Variants in KHDRBS2 observed in about 807,000 individuals in gnomAD.
KHDRBS2 encodes the protein KH RNA binding domain containing, signal transduction associated 2.
In KHDRBS2, 26 loss-of-function variants were observed where a neutral mutation model predicts 44.3. The ratio of observed to expected loss-of-function variants is 0.59; its 90% confidence interval spans 0.43 to 0.81. The LOEUF (loss-of-function observed/expected upper bound fraction) is 0.81, where lower values mean the gene tolerates loss of function less well. Ranked by LOEUF, KHDRBS2 falls within the 40% of genes least tolerant of loss-of-function variation. KHDRBS2 has a pLI of 0.00. For missense variants in KHDRBS2, 476 were observed against 433.1 expected, an observed-to-expected ratio of 1.10 and a Z score of -0.88; for synonymous variants, 194 against 151.1, an observed-to-expected ratio of 1.28 and a Z score of -2.08.
chr6:62,221,444 A>G (rs953669956), intron 1 of KHDRBS2, among the ~76,000 whole-genome samples: 2 of 152,052 alleles, frequency 1.3e-5, no homozygotes, highest in African/African-American at 2.4e-5. Context: ...AATTGAGTAG[A>G]TATTAGCTGC....
chr6:61,578,723 G>T, the KHDRBS2 span, among the ~76,000 whole-genome samples: 2 of 152,102 alleles, frequency 1.3e-5, no homozygotes, highest in Non-Finnish European at 2.9e-5. Flanking sequence ...GTAGTAAAGC[G>T]ATTATAGTCG....
chr6:61,946,050 G>T (rs964585752), intron 4 of KHDRBS2, among the ~76,000 whole-genome samples: 2 of 152,116 alleles, frequency 1.3e-5, no homozygotes, highest in African/African-American at 4.8e-5. Context: ...GATAATGCAG[G>T]CATCATCTCT....
chr6:62,059,599 C>T (rs904763285), intron 2 of KHDRBS2, among the ~76,000 whole-genome samples: 12 of 151,480 alleles, frequency 7.9e-5, no homozygotes, highest in Non-Finnish European at 1.3e-4. Context: ...AATAAAATTA[C>T]GGAATACAGG....
At chr6:62,064,035 T>C (rs1257620725) in intron 2 of KHDRBS2, among the ~76,000 whole-genome samples, 2 of 144,802 alleles carry the variant, frequency 1.4e-5, no homozygotes, top group African/African-American at 5.1e-5. Flanking sequence ...TCACAATTGC[T>C]TCAAAGAGAA....
chr6:61,751,466 T>C (rs747643407), intron 6 of KHDRBS2, among the ~76,000 whole-genome samples: 3 of 152,156 alleles, frequency 2.0e-5, no homozygotes, highest in Non-Finnish European at 4.4e-5. Flanking sequence ...CACTTTACAA[T>C]GTAAAACATA....
rs528871431 is a variant in KHDRBS2, at chr6:62,131,692, C to A, written c.219+45493G>T. Among the ~76,000 whole-genome samples, 7 of 152,162 alleles carry A rather than the reference C, an allele frequency of 4.6e-5. No homozygotes were observed. The South Asian group carries it at 1.5e-3, about 32-fold the overall frequency. ...TATTGGGGTCCTAATTGGCTGAACC[C>A]AACAGTAGGCCAGAGGTCATAGAAG... is the stretch of plus-strand genomic sequence containing the variant. On this transcript the variant is annotated intron_variant, in intron 2 of 8. Coordinates refer to ENST00000281156, the MANE Select transcript of KHDRBS2 (RefSeq NM_152688.4).
chr6:62,075,286 C>A (rs1796114668), intron 2 of KHDRBS2, among the ~76,000 whole-genome samples: 1 of 151,832 alleles, frequency 6.6e-6, no homozygotes. Flanking sequence ...TTCACCCCCT[C>A]CACCATGTGA....
the KHDRBS2 span, among the ~76,000 whole-genome samples, chr6:61,605,461 T>G: frequency 6.6e-6 from 1 of 152,206 alleles, no homozygotes; most frequent in Non-Finnish European, 1.5e-5. Flanking sequence ...GCTGAACCTC[T>G]TTGGGCACTC....
intron 6 of KHDRBS2, among the ~76,000 whole-genome samples, chr6:61,861,983 T>C (rs1440974391): frequency 6.6e-6 from 1 of 152,116 alleles, no homozygotes; most frequent in East Asian, 1.9e-4. Context: ...CACCTGTGAA[T>C]GGGAGTTCAT....
At chr6:61,941,373 T>G (rs891263328) in intron 4 of KHDRBS2, among the ~76,000 whole-genome samples, 37 of 152,120 alleles carry the variant, frequency 2.4e-4, no homozygotes, top group African/African-American at 8.2e-4. Context: ...GTCAGTTGGC[T>G]GGGGCCCCAA....
intron 1 of KHDRBS2, among the ~76,000 whole-genome samples, chr6:62,269,015 T>A (rs1164851804): frequency 1.3e-5 from 2 of 152,060 alleles, no homozygotes; most frequent in African/African-American, 4.8e-5. Flanking sequence ...CAGAGAAAAT[T>A]TTTTTCAGCA....
chr6:61,906,646 T>C (rs1312850602), intron 4 of KHDRBS2, among the ~76,000 whole-genome samples: 2 of 152,196 alleles, frequency 1.3e-5, no homozygotes, highest in African/African-American at 2.4e-5. Context: ...AGTGAGGACA[T>C]GTAAAATTTG....
chr6:61,588,839 C>T, the KHDRBS2 span, among the ~76,000 whole-genome samples: 18 of 151,880 alleles, frequency 1.2e-4, no homozygotes, highest in South Asian at 1.0e-3. Flanking sequence ...ATAATAGACT[C>T]GATAAAGAAA....
Position 62,177,332 on chromosome 6 carries a change from A to C in KHDRBS2, c.92-20T>G, listed in dbSNP as rs755412668. The C allele has an allele frequency of 1.3e-6, 2 of 1,569,260 alleles. No individual in the cohort carries two copies. Among genetic ancestry groups the C allele is most frequent in the East Asian group, 2.3e-5 (1 of 43,732 alleles). ...CAATTTCTGGAAGAAAATCACAAGA[A>C]GAAAACAAGTGAAATGAGGAACAAT... On this transcript the variant is annotated intron_variant, in intron 1 of 8. Coordinates refer to ENST00000281156, the MANE Select transcript of KHDRBS2 (RefSeq NM_152688.4).
chr6:62,095,028 G>T (rs1286937159), intron 2 of KHDRBS2, among the ~76,000 whole-genome samples: 2 of 151,856 alleles, frequency 1.3e-5, no homozygotes, highest in Non-Finnish European at 2.9e-5. Flanking sequence ...GCTCAGAATT[G>T]CTTTGGCTAT....
chr6:61,905,659 C>A (rs1804841336), intron 4 of KHDRBS2, among the ~76,000 whole-genome samples: 1 of 152,150 alleles, frequency 6.6e-6, no homozygotes, highest in South Asian at 2.1e-4. Context: ...CTTTTCTAAT[C>A]ATAATTTTAA....
chr6:61,739,394 A>G (rs2127563297), intron 6 of KHDRBS2, among the ~76,000 whole-genome samples: 1 of 152,000 alleles, frequency 6.6e-6, no homozygotes, highest in Admixed American at 6.6e-5. Context: ...TAATGATAGG[A>G]GCAACTTTGC....
chr6:61,795,203 T>C (rs1785163314), intron 6 of KHDRBS2, among the ~76,000 whole-genome samples: 1 of 151,516 alleles, frequency 6.6e-6, no homozygotes, highest in Non-Finnish European at 1.5e-5. Context: ...TACACTACTT[T>C]CTAATTATAC....
the KHDRBS2 span, among the ~76,000 whole-genome samples, chr6:61,657,142 C>T: frequency 1.3e-5 from 2 of 151,940 alleles, no homozygotes; most frequent in African/African-American, 2.4e-5. Flanking sequence ...CTGGATCTTA[C>T]CTGTCCCTTT....
Sources: allele counts gnomAD v4.1 joint callset (sites outside exome capture counted in the v4.1 genomes callset), GRCh38; gene constraint gnomAD v4.1.1; transcripts MANE v1.5; gene names NCBI Gene and HGNC (gene_info 2026-07-23, HGNC 2026-07-21).